CTNNBL1: variants seen among roughly 807,000 people sequenced by gnomAD.
The protein encoded by CTNNBL1 is catenin beta like 1.
CTNNBL1 carries 31 observed loss-of-function variants against 72.7 expected under a neutral mutation model. The observed-to-expected ratio is 0.43, with a 90% CI of 0.32 to 0.58. The LOEUF is 0.58. Among genes scored for constraint, CTNNBL1 ranks in the 20% least tolerant of loss-of-function variants. The pLI is 0.08. For synonymous variants in CTNNBL1, 240 were observed against 267.3 expected, an observed-to-expected ratio of 0.90 and a Z score of 1.00; for missense variants, 534 against 725.1, an observed-to-expected ratio of 0.74 and a Z score of 3.03.
intron 10 of CTNNBL1, among the ~76,000 whole-genome samples, chr20:37,795,605 C>T (rs887612636): frequency 6.6e-6 from 1 of 152,126 alleles, no homozygotes; most frequent in Admixed American, 6.5e-5. Context: ...CTCAGTCTTT[C>T]GTTTCTTCTG....
In CTNNBL1 at chr20:37,694,091, A is replaced by T; in HGVS notation, c.-32A>T. ...GGGCCCGCGGTCTGGGCGTGAGTGC[A>T]GGGAAGTGGAGTATTTGCTGGGCCG... On this transcript the variant is annotated 5_prime_UTR_variant, in exon 1 of 16. Transcript: ENST00000361383. 9 of 1,601,678 alleles carry T rather than the reference A, an allele frequency of 5.6e-6. No individual in the cohort carries two copies. The highest frequency in any genetic ancestry group is 7.7e-6 in the Non-Finnish European group (9 of 1,175,050).
intron 1 of CTNNBL1, among the ~76,000 whole-genome samples, chr20:37,719,503 A>G (rs1039387426): frequency 6.6e-6 from 1 of 152,174 alleles, no homozygotes; most frequent in African/African-American, 2.4e-5. Flanking sequence ...AGGAAAGAAC[A>G]TGCCTTTTTT....
At chr20:37,783,491 G>T (rs1319849802) in intron 10 of CTNNBL1, among the ~76,000 whole-genome samples, 2 of 151,996 alleles carry the variant, frequency 1.3e-5, no homozygotes, top group Non-Finnish European at 2.9e-5. Context: ...TTTGTTGTAG[G>T]TGCTTATTGC....
chr20:37,825,283 G>C (rs1045966256), intron 11 of CTNNBL1, among the ~76,000 whole-genome samples: 2 of 152,162 alleles, frequency 1.3e-5, no homozygotes, highest in Non-Finnish European at 2.9e-5. Context: ...AACCTGGGAG[G>C]TGGAAGTTGT....
chr20:37,797,001 T>C (rs1189971388), intron 10 of CTNNBL1, among the ~76,000 whole-genome samples: 1 of 152,210 alleles, frequency 6.6e-6, no homozygotes, highest in Non-Finnish European at 1.5e-5. Flanking sequence ...TGGAGCCGGC[T>C]CATGTAGGTT....
chr20:37,786,734 T>A (rs2073678695), intron 10 of CTNNBL1, among the ~76,000 whole-genome samples: 1 of 152,178 alleles, frequency 6.6e-6, no homozygotes, highest in South Asian at 2.1e-4. Context: ...AAACGCTTAA[T>A]GCTTTAAAAA....
chr20:37,758,420 A>G (rs537342162), intron 5 of CTNNBL1, among the ~76,000 whole-genome samples: 343 of 152,326 alleles, frequency 2.3e-3, no homozygotes, highest in African/African-American at 7.7e-3. Flanking sequence ...ACTGCCTTAC[A>G]TGTGAGGAAA....
At position 37,719,926 on chromosome 20, in the gene CTNNBL1, G is replaced by A. The variant is rs908269103; in HGVS notation, c.31-12953G>A. Among the ~76,000 whole-genome samples the A allele has an allele frequency of 3.4e-5, 5 of 146,112 alleles. No individual in the cohort carries two copies. The South Asian group carries it at 1.1e-3, about 31-fold the overall frequency. On this transcript the variant is annotated intron_variant, in intron 1 of 15. Coordinates refer to ENST00000361383, the MANE Select transcript of CTNNBL1 (RefSeq NM_030877.5). ...TGTGATCTCGGCTCACTGCTGCCTT[G>A]ATCTCCTGGGCTCTAGCAGTCCTCC...
chr20:37,821,124 T>C (rs1022218261), intron 11 of CTNNBL1, among the ~76,000 whole-genome samples: 10 of 152,212 alleles, frequency 6.6e-5, no homozygotes, highest in African/African-American at 2.2e-4. Flanking sequence ...TGAGATGCTC[T>C]TTTACCCACA....
chr20:37,771,006 T>C (rs753223023), intron 7 of CTNNBL1, among the ~76,000 whole-genome samples: 5 of 152,206 alleles, frequency 3.3e-5, no homozygotes, highest in Admixed American at 2.0e-4. Flanking sequence ...TCTTAGTGAG[T>C]ACTGGACCCA....
In CTNNBL1 at chr20:37,718,240, A is replaced by AC. The variant is rs1174864485; in HGVS notation, c.31-14632dup. Among the ~76,000 whole-genome samples the AC allele has an allele frequency of 6.2e-3, 634 of 101,810 alleles. 3 individuals are homozygous for AC. The highest frequency in any genetic ancestry group is 0.042 in the Middle Eastern group (5 of 120). The allele number at this position is 101,810 out of a possible 152,430, so 66.8% of individuals were successfully genotyped here. On this transcript the variant is annotated intron_variant, in intron 1 of 15. Transcript: ENST00000361383. The stretch of plus-strand genomic sequence containing the variant: ...GGGCGGCTGGCCGGGCGGGGGGCTG[A>AC]CCCCCCCACCTCCCTCCCGGACGGG...
intron 11 of CTNNBL1, among the ~76,000 whole-genome samples, chr20:37,833,862 A>G (rs953367304): frequency 2.0e-5 from 3 of 152,196 alleles, no homozygotes; most frequent in African/African-American, 7.2e-5. Context: ...TAGGGAAGCT[A>G]CATTTATTAG....
chr20:37,780,917 T>C (rs2073619935), intron 10 of CTNNBL1, among the ~76,000 whole-genome samples: 1 of 152,154 alleles, frequency 6.6e-6, no homozygotes, highest in African/African-American at 2.4e-5. Flanking sequence ...AGTGATGACT[T>C]ACTGTGTATA....
chr20:37,856,861 T>A (rs368165370), intron 13 of CTNNBL1, among the ~76,000 whole-genome samples: 1 of 152,188 alleles, frequency 6.6e-6, no homozygotes, highest in Non-Finnish European at 1.5e-5. Context: ...AGGGCTTCCC[T>A]TACCTCCATT....
At chr20:37,763,395 A>T (rs1407515130) in intron 5 of CTNNBL1, among the ~76,000 whole-genome samples, 1 of 152,184 alleles carries the variant, frequency 6.6e-6, no homozygotes, top group Non-Finnish European at 1.5e-5. Context: ...CAAATCTGGC[A>T]TCAGTGTTTC....
intron 1 of CTNNBL1, among the ~76,000 whole-genome samples, chr20:37,725,358 G>A (rs1011801485): frequency 6.6e-6 from 1 of 151,510 alleles, no homozygotes; most frequent in Admixed American, 6.6e-5. Flanking sequence ...GTGCAATGGC[G>A]CAATCTCAGC....
intron 11 of CTNNBL1, among the ~76,000 whole-genome samples, chr20:37,809,970 T>C (rs535180207): frequency 9.2e-5 from 14 of 152,158 alleles, no homozygotes; most frequent in Admixed American, 8.5e-4. Context: ...AACCAATTTA[T>C]GGTTGTACCA....
intron 10 of CTNNBL1, among the ~76,000 whole-genome samples, chr20:37,788,073 T>A (rs2073694142): frequency 6.6e-6 from 1 of 152,210 alleles, no homozygotes; most frequent in Non-Finnish European, 1.5e-5. Context: ...CTTTTGATGT[T>A]TAGGCTTAAA....
chr20:37,864,701 C>T (rs941096183), intron 15 of CTNNBL1, among the ~76,000 whole-genome samples: 1 of 152,184 alleles, frequency 6.6e-6, no homozygotes, highest in Admixed American at 6.5e-5. Flanking sequence ...GCAGATGGAG[C>T]CATGTGCTCC....
Sources: allele counts gnomAD v4.1 joint callset (sites outside exome capture counted in the v4.1 genomes callset), GRCh38; gene constraint gnomAD v4.1.1; transcripts MANE v1.5; gene names NCBI Gene and HGNC (gene_info 2026-07-23, HGNC 2026-07-21).